The following ASXL2 variants were observed in gnomAD, a reference collection of about 807,000 sequenced individuals.
The protein encoded by ASXL2 is ASXL transcriptional regulator 2.
ASXL2 carries 23 observed loss-of-function variants against 122.0 expected under a neutral mutation model. The observed-to-expected ratio is 0.19, with a 90% CI of 0.14 to 0.27. The LOEUF is 0.27. ASXL2 is among the 10% of genes least tolerant of loss of function. ASXL2 has a pLI of 1.00. For synonymous variants in ASXL2, 650 were observed against 637.0 expected (o/e 1.02, Z -0.31); for missense variants, 1,518 against 1,713.8 (o/e 0.89, Z 2.02).
intron 5 of ASXL2, among the ~76,000 whole-genome samples, chr2:25,783,104 G>C (rs886072052): frequency 2.6e-5 from 4 of 152,072 alleles, no homozygotes; most frequent in Non-Finnish European, 5.9e-5. Context: ...ACTCCAGCCT[G>C]GGGGACAGAA....
intron 5 of ASXL2, among the ~76,000 whole-genome samples, chr2:25,780,733 A>G (rs906770636): frequency 6.6e-6 from 1 of 152,198 alleles, no homozygotes; most frequent in Admixed American, 6.5e-5. Flanking sequence ...AAAGATAAAC[A>G]TGTACACTTC....
intron 5 of ASXL2, among the ~76,000 whole-genome samples, chr2:25,782,602 T>C (rs1185021260): frequency 6.6e-6 from 1 of 152,112 alleles, no homozygotes; most frequent in Admixed American, 6.6e-5. Context: ...AGAATGGAGA[T>C]AGTGGACATC....
At chr2:25,841,140 G>A (rs562450015) in intron 2 of ASXL2, among the ~76,000 whole-genome samples, 22 of 152,150 alleles carry the variant, frequency 1.4e-4, no homozygotes, top group Admixed American at 5.2e-4. Context: ...CAAAAAATAC[G>A]AAAATTAGCT....
chr2:25,829,583 TA>T (rs2089425892), intron 3 of ASXL2, among the ~76,000 whole-genome samples: 1 of 152,224 alleles, frequency 6.6e-6, no homozygotes, highest in African/African-American at 2.4e-5. Flanking sequence ...GAACCAGAGT[TA>T]CCAGTCCTGA....
chr2:25,757,669 C>T (rs2088159595), intron 9 of ASXL2, among the ~76,000 whole-genome samples: 1 of 54,056 alleles, frequency 1.8e-5, no homozygotes, highest in African/African-American at 7.8e-5. Flanking sequence ...AGGGAGACTC[C>T]ATCTCAAAAA....
intron 11 of ASXL2, among the ~76,000 whole-genome samples, chr2:25,751,359 G>C (rs2088042535): frequency 6.6e-6 from 1 of 152,128 alleles, no homozygotes; most frequent in Non-Finnish European, 1.5e-5. Context: ...GAGGGAATGG[G>C]CCAGGCACAG....
Position 25,767,685 on chromosome 2 carries a change from G to A in ASXL2, c.673C>T (p.Pro225Ser), listed in dbSNP as rs1392360941. 1.2e-6 allele frequency: 2 copies of A among 1,613,780 alleles called. No homozygotes were observed. Among genetic ancestry groups the A allele is most frequent in the African/African-American group, 2.7e-5 (2 of 74,902 alleles). The change falls in exon 8 of 13, where the codon CCT (proline) becomes TCT (serine). Residue 225 changes from proline (P) to serine (S), a missense_variant. Transcript: ENST00000435504. ...GAAAAGCTGGAGTTTGAGTTTTGAG[G>A]GCTGCCTGTCTGTCCATCAGATTGC... Reference protein sequence around the residue: ...GKQSDGQTGSPQNSNSSFSSS... With the variant: ...GKQSDGQTGSSQNSNSSFSSS...
intron 3 of ASXL2, among the ~76,000 whole-genome samples, chr2:25,824,005 T>C (rs943541490): frequency 6.6e-6 from 1 of 152,236 alleles, no homozygotes; most frequent in African/African-American, 2.4e-5. Context: ...GGATCTGTAA[T>C]AGAATATTGT....
chr2:25,747,566 CT>C (rs1469964626), intron 12 of ASXL2, among the ~76,000 whole-genome samples: 1 of 152,118 alleles, frequency 6.6e-6, no homozygotes, highest in Non-Finnish European at 1.5e-5. Flanking sequence ...ATTAAAGTTT[CT>C]GTGTAATCCC....
rs747728489 is a variant in ASXL2, at chr2:25,742,775, C to T, written c.3562G>A (p.Asp1188Asn). The T allele has an allele frequency of 6.2e-7, 1 of 1,614,002 alleles. No individual in the cohort carries two copies. Among genetic ancestry groups the T allele is most frequent in the East Asian group, 2.2e-5 (1 of 44,886 alleles). Residue 1188 changes from aspartate (D) to asparagine (N), a missense_variant, in exon 13 of 13, where the codon GAT becomes AAT. Asp to Asn is a conservative substitution (Grantham distance 23). This residue lies in a region of ASXL2 where 831 missense variants were observed against 833.1 expected (regional missense o/e 1.00). Transcript: ENST00000435504. ...TTCACTGTGACAGATTCCTGCTCAT[C>T]ACCAGTACTTTCCTCATCAGTGTCA... ...EDDTDEESTG[D>N]EQESVTVKEE... is the part of the protein sequence containing the mutation.
intron 5 of ASXL2, among the ~76,000 whole-genome samples, chr2:25,788,884 C>T (rs1431881976): frequency 1.3e-5 from 2 of 151,820 alleles, no homozygotes; most frequent in Non-Finnish European, 2.9e-5. Context: ...CTTAAAGTTA[C>T]GTTTTGATGA....
At chr2:25,854,637 A>G (rs1402621754) in intron 1 of ASXL2, among the ~76,000 whole-genome samples, 1 of 152,194 alleles carries the variant, frequency 6.6e-6, no homozygotes, top group African/African-American at 2.4e-5. Flanking sequence ...TCTAATGATA[A>G]AAGGCAAGTA....
chr2:25,770,109 C>T (rs1302473371), intron 6 of ASXL2, among the ~76,000 whole-genome samples: 1 of 152,248 alleles, frequency 6.6e-6, no homozygotes, highest in East Asian at 1.9e-4. Context: ...ATTCCTTGCT[C>T]CTCACAGGAC....
chr2:25,824,887 A>C (rs2089358020), intron 3 of ASXL2, among the ~76,000 whole-genome samples: 1 of 152,226 alleles, frequency 6.6e-6, no homozygotes, highest in South Asian at 2.1e-4. Flanking sequence ...TCAAAGACAC[A>C]TGTAAATGAA....
In ASXL2 at chr2:25,756,512, T is replaced by C. The variant is rs573524360; in HGVS notation, c.940-398A>G. ...AAGAAGGATGGACTAAAAATCTAAA[T>C]GTAAATTTTAAGTCAAAAACAGTTT... On this transcript the variant is annotated intron_variant, in intron 9 of 12. Coordinates refer to ENST00000435504, the MANE Select transcript of ASXL2 (RefSeq NM_018263.6). Among the ~76,000 whole-genome samples, 18 of 142,130 alleles carry C rather than the reference T, an allele frequency of 1.3e-4. No homozygotes were observed. The South Asian group carries it at 3.7e-3, about 29-fold the overall frequency. The allele number at this position is 142,130 out of a possible 152,430, so 93.2% of individuals were successfully genotyped here. A position where few individuals can be genotyped will look rare whatever the true frequency, so the allele number is the denominator to read the frequency against.
chr2:25,873,994 C>T (rs1243471246), intron 1 of ASXL2, among the ~76,000 whole-genome samples: 8 of 152,134 alleles, frequency 5.3e-5, no homozygotes, highest in African/African-American at 1.7e-4. Flanking sequence ...CTCAGGATGT[C>T]ATCAAATATT....
chr2:25,829,289 T>TACACATAC (rs2089419908), intron 3 of ASXL2, among the ~76,000 whole-genome samples: 4 of 145,614 alleles, frequency 2.7e-5, no homozygotes, highest in Non-Finnish European at 4.6e-5. Flanking sequence ...CACATACACA[T>TACACATAC]ACACACACAC....
At chr2:25,869,654 T>A (rs1172978305) in intron 1 of ASXL2, among the ~76,000 whole-genome samples, 2 of 151,358 alleles carry the variant, frequency 1.3e-5, no homozygotes, top group South Asian at 4.2e-4. Context: ...CCATCTCTAC[T>A]AAAATTACAA....
At chr2:25,841,186 C>G (rs1285815824) in intron 2 of ASXL2, among the ~76,000 whole-genome samples, 2 of 152,144 alleles carry the variant, frequency 1.3e-5, no homozygotes, top group Non-Finnish European at 2.9e-5. Context: ...AACCCAGCTA[C>G]TTAGGAGGCT....
Sources: allele counts gnomAD v4.1 joint callset (sites outside exome capture counted in the v4.1 genomes callset), GRCh38; gene constraint gnomAD v4.1.1; regional missense constraint gnomAD v4.1.1; transcripts MANE v1.5; gene names NCBI Gene and HGNC (gene_info 2026-07-23, HGNC 2026-07-21).